Variants in LCA5L observed in about 807,000 individuals in gnomAD.
LCA5L encodes the protein lebercilin LCA5 like.
Under a neutral mutation model 45.4 loss-of-function variants are expected in LCA5L, and 35 were observed. The observed-to-expected ratio is 0.77, with a 90% confidence interval of 0.59 to 1.02. The LOEUF is 1.02. Ranked by LOEUF, LCA5L falls within the 50% of genes least tolerant of loss-of-function variation. The pLI is 0.00. For synonymous variants in LCA5L, 233 were observed against 264.7 expected, an observed-to-expected ratio of 0.88 and a Z score of 1.16; for missense variants, 668 against 761.6, an observed-to-expected ratio of 0.88 and a Z score of 1.45.
At chr21:39,420,962 T>C in intron 6 of LCA5L, 119 bp from the exon 7 acceptor site, 2 of 724,234 alleles carry the variant, frequency 2.8e-6, no homozygotes, top group Non-Finnish European at 4.5e-6. Context: ...TTTTAGTGAA[T>C]GACTTATACA....
chr21:39,407,783 C>T (rs900265933), intron 10 of LCA5L: 17 of 152,226 alleles, frequency 1.1e-4, no homozygotes, highest in African/African-American at 3.6e-4. Context: ...TGAATGGATA[C>T]ACTTTCTAGG....
At position 39,428,266 on chromosome 21, in the gene LCA5L, T is replaced by C; in HGVS notation, c.228A>G (p.Ser76=). The change falls in exon 5 of 11, where the codon TCA becomes TCG. Residue 76 remains serine, a synonymous_variant. Coordinates refer to ENST00000288350, the MANE Select transcript of LCA5L (RefSeq NM_152505.4). The part of the protein sequence containing the change: ...DYSEDFLCDC[S]EKAINRNYLK... ...AATAATTTCTATTAATAGCCTTTTC[T>C]GAACAATCACAGAGAAAGTCTTCTG... The C allele has an allele frequency of 6.2e-7, 1 of 1,608,774 alleles. No homozygotes were observed. Among genetic ancestry groups the C allele is most frequent in the Non-Finnish European group, 8.5e-7 (1 of 1,175,258 alleles).
In LCA5L at chr21:39,421,666, G is replaced by C. The variant is rs182337480; in HGVS notation, c.838-823C>G. Reference sequence around the variant, plus strand: ...CCACTTTTCTTTGTTTTAACATAAAGTAGGACCTCCTCCATTATAACAGCA... The same window carrying C: ...CCACTTTTCTTTGTTTTAACATAAACTAGGACCTCCTCCATTATAACAGCA... On this transcript the variant is annotated intron_variant, in intron 6 of 10. Coordinates refer to ENST00000288350, the MANE Select transcript of LCA5L (RefSeq NM_152505.4). 3.1e-4 allele frequency: 47 copies of C among 152,286 alleles called. 1 individual carries two copies. The highest frequency in any genetic ancestry group is 1.1e-3 in the African/African-American group (46 of 41,564). The allele number at this position is 152,286 out of a possible 1,614,324, so 9.4% of individuals were successfully genotyped here.
chr21:39,442,982 G>C (rs1051198340), intron 2 of LCA5L, among the ~76,000 whole-genome samples: 1 of 152,212 alleles, frequency 6.6e-6, no homozygotes, highest in African/African-American at 2.4e-5. Flanking sequence ...GGGTGAGCCA[G>C]AATGGCAGCA....
In LCA5L at chr21:39,428,377, T is replaced by A; in HGVS notation, c.117A>T (p.Ser39=). ...CKRSPGTGDF[S]RNSNASNKSV... ...TCTTATTGGAAGCATTACTGTTCCG[T>A]GAAAAATCGCCTGTGCCTGGGCTTC... Residue 39 remains serine, a synonymous_variant, in exon 5 of 11, where the codon TCA becomes TCT. Coordinates refer to ENST00000288350, the MANE Select transcript of LCA5L (RefSeq NM_152505.4). The A allele has an allele frequency of 2.5e-6, 4 of 1,613,572 alleles. No homozygotes were observed. Among genetic ancestry groups the A allele is most frequent in the Non-Finnish European group, 3.4e-6 (4 of 1,179,896 alleles).
chr21:39,406,354 G>C lies in LCA5L; in HGVS notation c.1541C>G (p.Thr514Arg), dbSNP rs147712761. Residue 514 changes from threonine to arginine, a missense_variant, in exon 11 of 11, where the codon ACG becomes AGG. Transcript: ENST00000288350. ...TCTTCTTTGTCTGAGGGGGCCTTTC[G>C]TGTAGGGAGCAGTGCCTTTGCCAAG... ...DTLGKGTAPY[T>R]KGPLRQRRHY... is the part of the protein sequence containing the mutation. The C allele has an allele frequency of 6.2e-7, 1 of 1,614,142 alleles. No individual in the cohort carries two copies. The highest frequency in any genetic ancestry group is 8.5e-7 in the Non-Finnish European group (1 of 1,180,016).
rs1442706667 is a variant in LCA5L at position 39,410,255 on chromosome 21, T to C, written c.1164+9A>G. On this transcript the variant is annotated intron_variant, in intron 9 of 10. Coordinates refer to ENST00000288350, the MANE Select transcript of LCA5L (RefSeq NM_152505.4). ...AATCAGACACTGCAAGATTCCAAAT[T>C]TGCTGTACCTTAGTTGTCAAAGGTG... 2.6e-6 allele frequency: 4 copies of C among 1,560,502 alleles called. No homozygotes were observed. Among genetic ancestry groups the C allele is most frequent in the African/African-American group, 1.4e-5 (1 of 73,390 alleles).
intron 2 of LCA5L, among the ~76,000 whole-genome samples, chr21:39,443,060 G>C (rs1022087098): frequency 2.6e-5 from 4 of 152,154 alleles, no homozygotes; most frequent in Non-Finnish European, 4.4e-5. Context: ...AGTGAAATGG[G>C]GGCAGCAGTT....
Position 39,411,787 on chromosome 21 carries a change from G to T in LCA5L, c.991C>A (p.Leu331Ile). 6.3e-7 allele frequency: 1 copy of T among 1,584,920 alleles called. No homozygotes were observed. Among genetic ancestry groups the T allele is most frequent in the Non-Finnish European group, 8.6e-7 (1 of 1,160,858 alleles). Residue 331 changes from leucine (L) to isoleucine (I), a missense_variant, in exon 8 of 11, where the codon CTT (leucine) becomes ATT (isoleucine). Transcript: ENST00000288350. ...TGACTATAGATGTTTTTAATTTCAA[G>T]CTCACGATCCTTTTCCTAAAAAGAA... The part of the protein sequence containing the change: ...QQKLKEKDRE[L>I]EIKNIYSHRI...
intron 7 of LCA5L, among the ~76,000 whole-genome samples, chr21:39,416,896 TTC>T (rs1240692625): frequency 6.6e-6 from 1 of 152,220 alleles, no homozygotes; most frequent in Admixed American, 6.5e-5. Context: ...TTGGAATGGC[TTC>T]TTTCTGTGGC....
chr21:39,441,746 C>T lies in LCA5L; in HGVS notation c.-246+2389G>A, dbSNP rs1034043267. ...CTGCACTGAGTAAAGGGCTACAAAT[C>T]TTTACACAAGTACCCGTTTTTAGCT... On this transcript the variant is annotated intron_variant, in intron 2 of 10. Transcript: ENST00000288350. Among the ~76,000 whole-genome samples, 4 of 152,158 alleles carry T rather than the reference C, an allele frequency of 2.6e-5. No homozygotes were observed. In the East Asian group the frequency reaches 7.7e-4, roughly 29 times the overall value.
At chr21:39,445,216 AGAC>A in intron 1 of LCA5L, among the ~76,000 whole-genome samples, 1 of 36,716 alleles carries the variant, frequency 2.7e-5, no homozygotes, top group East Asian at 1.8e-3. Flanking sequence ...GGACAAACAC[AGAC>A]AGAGAAGACA....
At chr21:39,408,752 C>A (rs1162613926) in intron 10 of LCA5L, 1 of 152,270 alleles carries the variant, frequency 6.6e-6, no homozygotes, top group Non-Finnish European at 1.5e-5. Flanking sequence ...TGGGCCTGCC[C>A]AGAAGAGCTC....
In LCA5L at chr21:39,411,720, T is replaced by C; in HGVS notation, c.1058A>G (p.Lys353Arg). Reference sequence around the variant, plus strand: ...GAGCAAAAGTAATTAAAACATACCTTTTGGATAGTCCTCTGTGTCATGTAA... The same window carrying C: ...GAGCAAAAGTAATTAAAACATACCTCTTGGATAGTCCTCTGTGTCATGTAA... ...KNLHDTEDYP[K>R]VSSTKSVQAD... Residue 353 changes from lysine (K) to arginine (R), a missense_variant and splice_region_variant, in exon 8 of 11, where the codon AAA becomes AGA. By Grantham distance (26) the Lys-to-Arg change is conservative. Coordinates refer to ENST00000288350, the MANE Select transcript of LCA5L (RefSeq NM_152505.4). 1 of 1,449,376 alleles carries C rather than the reference T, an allele frequency of 6.9e-7. No homozygotes were observed. Among genetic ancestry groups the C allele is most frequent in the East Asian group, 2.3e-5 (1 of 43,610 alleles). The allele number at this position is 1,449,376 out of a possible 1,614,324, so 89.8% of individuals were successfully genotyped here. A position where few individuals can be genotyped will look rare whatever the true frequency, so the allele number is the denominator to read the frequency against.
At chr21:39,413,251 A>G (rs958263339) in intron 7 of LCA5L, among the ~76,000 whole-genome samples, 4 of 152,234 alleles carry the variant, frequency 2.6e-5, no homozygotes, top group Non-Finnish European at 4.4e-5. Flanking sequence ...AAGAGTACAC[A>G]TATGTTTTCT....
At chr21:39,428,013 C>T in intron 5 of LCA5L, 159 bp downstream of exon 5, 1 of 562,142 alleles carries the variant, frequency 1.8e-6, no homozygotes, top group Non-Finnish European at 3.2e-6. Flanking sequence ...CTCTTAATTT[C>T]TCTATTTCCT....
chr21:39,409,909 T>C lies in LCA5L; in HGVS notation c.1282+70A>G. The C allele has an allele frequency of 1.1e-6, 1 of 891,676 alleles. No individual in the cohort carries two copies. The highest frequency in any genetic ancestry group is 2.5e-5 in the Admixed American group (1 of 39,618). 55.2% of individuals were successfully genotyped at this position (891,676 alleles called of 1,614,324 possible). On this transcript the variant is annotated intron_variant, in intron 10 of 10. Transcript: ENST00000288350. This position sits in a 1 kb window ranked among gnomAD's most constrained non-coding sequence, Gnocchi z 4.2. ...ATGCCCAGCTGTTTTATGTGTGCTT[T>C]ATATACACATATAGTAATTCACAAT...
intron 7 of LCA5L, among the ~76,000 whole-genome samples, chr21:39,417,964 C>T (rs1041726586): frequency 3.9e-5 from 6 of 152,134 alleles, no homozygotes; most frequent in African/African-American, 7.2e-5. Flanking sequence ...GATGGGGTTT[C>T]GCCGTGTTTG....
chr21:39,421,053 C>T (rs989623545), intron 6 of LCA5L, among the ~76,000 whole-genome samples: 2 of 151,616 alleles, frequency 1.3e-5, no homozygotes, highest in African/African-American at 2.4e-5. Flanking sequence ...AAATATCACA[C>T]GTTTGGAGCC....
Sources: gnomAD v4.1 joint callset for allele counts (sites outside exome capture counted in the v4.1 genomes callset) on GRCh38, gnomAD v4.1.1 for gene constraint, Gnocchi (gnomAD v3.1) non-coding constraint, MANE v1.5 for transcripts, NCBI Gene and HGNC (gene_info 2026-07-23, HGNC 2026-07-21) for gene names.